EML6: variants seen among roughly 807,000 people sequenced by gnomAD.
The protein encoded by EML6 is echinoderm microtubule-associated protein-like 6.
In EML6, 154 loss-of-function variants were observed where a neutral mutation model predicts 240.1. That is an observed-to-expected ratio of 0.64 (90% CI 0.56 to 0.73). The LOEUF (loss-of-function observed/expected upper bound fraction) is 0.73. Among genes scored for constraint, EML6 ranks in the 30% least tolerant of loss-of-function variants. EML6 has a pLI of 0.00. For missense variants in EML6, 2,964 were observed against 2,474.6 expected, an observed-to-expected ratio of 1.20 and a Z score of -4.20; for synonymous variants, 1,148 against 899.0, an observed-to-expected ratio of 1.28 and a Z score of -4.95.
intron 10 of EML6, 102 bp from the exon 11 acceptor site, chr2:54,853,541 T>C: frequency 1.3e-6 from 1 of 785,782 alleles, no homozygotes; most frequent in South Asian, 2.8e-5. Context: ...ATATGTAGTT[T>C]TCTGTATTTA....
intron 32 of EML6, among the ~76,000 whole-genome samples, chr2:54,956,929 A>G (rs1379373500): frequency 6.6e-6 from 1 of 152,242 alleles, no homozygotes; most frequent in Non-Finnish European, 1.5e-5. Context: ...TTTAAAATAC[A>G]GGCTAAAAGA....
chr2:54,818,243 T>A (rs532417993), intron 4 of EML6, among the ~76,000 whole-genome samples: 1 of 149,614 alleles, frequency 6.7e-6, no homozygotes, highest in South Asian at 2.1e-4. Flanking sequence ...CTTTGGCTTG[T>A]ATAGAAAGAG....
At chr2:54,758,884 TG>T (rs1276135724) in intron 2 of EML6, among the ~76,000 whole-genome samples, 1 of 152,152 alleles carries the variant, frequency 6.6e-6, no homozygotes, top group East Asian at 1.9e-4. Flanking sequence ...TGTAGGGTAA[TG>T]CAGGGGTGCT....
intron 2 of EML6, among the ~76,000 whole-genome samples, chr2:54,792,675 C>T (rs1022397739): frequency 6.6e-6 from 1 of 152,082 alleles, no homozygotes; most frequent in South Asian, 2.1e-4. Flanking sequence ...TAATTTATAC[C>T]TCAATTTAAA....
chr2:54,869,214 C>A lies in EML6; in HGVS notation c.2085C>A (p.Phe695Leu). 1.3e-6 allele frequency: 2 copies of A among 1,551,726 alleles called. No individual in the cohort carries two copies. Among genetic ancestry groups the A allele is most frequent in the East Asian group, 2.4e-5 (1 of 40,910 alleles). ...GCTACGACTGTAGAAACAATCTGTT[C>A]TACACACAAGCTGGAGAAGTAGTCT... ...YRGYDCRNNL[F>L]YTQAGEVVYH... Residue 695 changes from phenylalanine (F) to leucine (L), a missense_variant, in exon 15 of 42, where the codon TTC becomes TTA. Physicochemically the swap from Phe to Leu is conservative, Grantham distance 22. Coordinates refer to ENST00000356458, the MANE Select transcript of EML6 (RefSeq NM_001039753.4).
intron 2 of EML6, among the ~76,000 whole-genome samples, chr2:54,732,250 C>T (rs1007889583): frequency 2.0e-5 from 3 of 150,812 alleles, no homozygotes; most frequent in Non-Finnish European, 3.0e-5. Flanking sequence ...AGTGAGTTGT[C>T]CTATTCACTG....
intron 17 of EML6, 76 bp from the exon 18 acceptor site, chr2:54,890,978 C>A: frequency 1.5e-6 from 1 of 678,194 alleles, no homozygotes; most frequent in Non-Finnish European, 2.4e-6. Flanking sequence ...TAAAATTAGA[C>A]CAAATGCATG....
At chr2:54,806,329 C>T (rs1425124671) in intron 2 of EML6, among the ~76,000 whole-genome samples, 4 of 151,970 alleles carry the variant, frequency 2.6e-5, no homozygotes, top group Non-Finnish European at 4.4e-5. Context: ...ATGTCTGTTC[C>T]TGGCCGGGCG....
rs112160881 is a variant in EML6 at position 54,812,186 on chromosome 2, G to A, written c.198-1046G>A. On this transcript the variant is annotated intron_variant, in intron 2 of 41. Transcript: ENST00000356458. The stretch of plus-strand genomic sequence containing the variant: ...ATATCATCTATTTTCTGTATTATCT[G>A]TATTTTTAGATGAGGAAACTGAGGC... Among the ~76,000 whole-genome samples, 549 of 152,178 alleles carry A rather than the reference G, an allele frequency of 3.6e-3. 5 individuals are homozygous for A. Among genetic ancestry groups the A allele is most frequent in the African/African-American group, 0.013 (535 of 41,538 alleles).
chr2:54,952,682 C>T lies in EML6; in HGVS notation c.4302C>T (p.Thr1434=). 2 of 1,550,470 alleles carry T rather than the reference C, an allele frequency of 1.3e-6. No homozygotes were observed. The highest frequency in any genetic ancestry group is 1.7e-6 in the Non-Finnish European group (2 of 1,146,126). Residue 1434 remains threonine, a synonymous_variant, in exon 31 of 42, where the codon ACC becomes ACT. Coordinates refer to ENST00000356458, the MANE Select transcript of EML6 (RefSeq NM_001039753.4). Reference sequence around the variant, plus strand: ...CCAAGTACAGAAACGTGGTGGCCACCAGCCAGATAGGTAGGAGGTCCTGTG... The same window carrying T: ...CCAAGTACAGAAACGTGGTGGCCACTAGCCAGATAGGTAGGAGGTCCTGTG... The part of the protein sequence containing the change: ...QHPKYRNVVA[T]SQIGTTPSIH...
In EML6 at chr2:54,953,440, G is replaced by C. The variant is rs189293309; in HGVS notation, c.4313-543G>C. Among the ~76,000 whole-genome samples, 47 of 152,214 alleles carry C rather than the reference G, an allele frequency of 3.1e-4. No homozygotes were observed. In the Middle Eastern group the frequency reaches 0.014, roughly 44 times the overall value. ...ATCATTGACCTCACCAGTTTCCTTC[G>C]TATAAAATCCTCTGCAAGTGTGTGT... On this transcript the variant is annotated intron_variant, in intron 31 of 41. Coordinates refer to ENST00000356458, the MANE Select transcript of EML6 (RefSeq NM_001039753.4).
intron 37 of EML6, among the ~76,000 whole-genome samples, 194 bp from the exon 38 acceptor site, chr2:54,964,377 A>T (rs747639118): frequency 8.5e-5 from 13 of 152,368 alleles, no homozygotes; most frequent in Non-Finnish European, 1.6e-4. Flanking sequence ...ATGTCATTCT[A>T]CATATTTCCC....
intron 22 of EML6, among the ~76,000 whole-genome samples, chr2:54,902,456 A>T (rs904261426): frequency 2.6e-5 from 4 of 152,160 alleles, no homozygotes; most frequent in Non-Finnish European, 5.9e-5. Flanking sequence ...CTGGAGTGCC[A>T]TGGCATGATC....
intron 2 of EML6, among the ~76,000 whole-genome samples, chr2:54,726,404 CT>C (rs543450418): frequency 2.7e-4 from 41 of 151,670 alleles, no homozygotes; most frequent in Admixed American, 1.8e-3. Flanking sequence ...CAAAGATCAG[CT>C]TTTTTTTCCC....
intron 21 of EML6, among the ~76,000 whole-genome samples, chr2:54,896,974 T>C (rs1001457323): frequency 6.6e-6 from 1 of 152,218 alleles, no homozygotes; most frequent in African/African-American, 2.4e-5. Context: ...TGGAGATGCA[T>C]CCTTGAGGCA....
intron 11 of EML6, among the ~76,000 whole-genome samples, chr2:54,854,540 C>G (rs1392700520): frequency 6.6e-6 from 1 of 152,218 alleles, no homozygotes; most frequent in Non-Finnish European, 1.5e-5. Context: ...GACTCCTCAA[C>G]TGTGCCTGAA....
At chr2:54,916,369 T>C (rs1673908803) in intron 25 of EML6, among the ~76,000 whole-genome samples, 1 of 152,224 alleles carries the variant, frequency 6.6e-6, no homozygotes, top group South Asian at 2.1e-4. Flanking sequence ...CTAAACATCC[T>C]GACACGCACA....
intron 5 of EML6, among the ~76,000 whole-genome samples, chr2:54,822,956 AT>A (rs1668398789): frequency 1.3e-5 from 2 of 152,224 alleles, no homozygotes; most frequent in African/African-American, 4.8e-5. Flanking sequence ...CCTGATGTGT[AT>A]ATTTTTAATC....
rs373689709 is a variant in EML6 at position 54,886,003 on chromosome 2, CA to C, written c.2439-5049del. Among the ~76,000 whole-genome samples, 57 of 152,194 alleles carry C rather than the reference CA, an allele frequency of 3.7e-4. 2 individuals carry two copies. In the East Asian group the frequency reaches 0.011, roughly 29 times the overall value. ...TCACATTCATGTAGCCATAATGGATCAAGAGACATTCTATTCTTTTTATTGT... is the reference window on the plus strand; with the variant it reads ...TCACATTCATGTAGCCATAATGGATCAGAGACATTCTATTCTTTTTATTGT... On this transcript the variant is annotated intron_variant, in intron 17 of 41. Coordinates refer to ENST00000356458, the MANE Select transcript of EML6 (RefSeq NM_001039753.4).
Sources: allele counts gnomAD v4.1 joint callset (sites outside exome capture counted in the v4.1 genomes callset), GRCh38; gene constraint gnomAD v4.1.1; transcripts MANE v1.5; gene names NCBI Gene and HGNC (gene_info 2026-07-23, HGNC 2026-07-21).